The following FADS6 variants were observed in gnomAD, a reference collection of about 807,000 sequenced individuals.
The protein encoded by FADS6 is fatty acid desaturase 6.
FADS6 carries 28 observed loss-of-function variants against 31.7 expected under a neutral mutation model. That is an observed-to-expected ratio of 0.88 (90% CI 0.66 to 1.21). The LOEUF is 1.21. Ranked by LOEUF, FADS6 falls within the 50% of genes most tolerant of loss-of-function variation. The pLI is 0.00. For synonymous variants in FADS6, 191 were observed against 213.1 expected, an observed-to-expected ratio of 0.90 and a Z score of 0.90; for missense variants, 494 against 504.2, an observed-to-expected ratio of 0.98 and a Z score of 0.19.
Position 74,878,026 on chromosome 17 carries a change from C to A in FADS6, c.*305G>T. ...TCACCTCCCTTTAACCCTACCAAGGCTCAGATGGAGCAGGGGGAAGGACCC... is the reference window on the plus strand; with the variant it reads ...TCACCTCCCTTTAACCCTACCAAGGATCAGATGGAGCAGGGGGAAGGACCC... On this transcript the variant is annotated 3_prime_UTR_variant, in exon 6 of 6. Coordinates refer to ENST00000612771, the MANE Select transcript of FADS6 (RefSeq NM_178128.6). 1 of 1,141,492 alleles carries A rather than the reference C, an allele frequency of 8.8e-7. No individual in the cohort carries two copies. The highest frequency in any genetic ancestry group is 1.6e-5 in the African/African-American group (1 of 61,676). 70.7% of individuals were successfully genotyped at this position (1,141,492 alleles called of 1,614,324 possible). A position where few individuals can be genotyped will look rare whatever the true frequency, so the allele number is the denominator to read the frequency against.
chr17:74,882,707 A>C lies in FADS6; in HGVS notation c.415T>G (p.Cys139Gly). The part of the protein sequence containing the change: ...KIWLLFFVEV[C>G]TAFTAEHATH... ...GCGTGCTCTGCAGTGAAGGCTGTGCACACCTAGAGGAGGGAACCAGAAATG... is the reference window on the plus strand; with the variant it reads ...GCGTGCTCTGCAGTGAAGGCTGTGCCCACCTAGAGGAGGGAACCAGAAATG... The change falls in exon 3 of 6, where the codon TGC becomes GGC. Residue 139 changes from cysteine to glycine, a missense_variant. Physicochemically the swap from Cys to Gly is radical, Grantham distance 159. This residue lies in a region of FADS6 where 454 missense variants were observed against 438.5 expected (regional missense o/e 1.04). Transcript: ENST00000612771. 1 of 1,608,516 alleles carries C rather than the reference A, an allele frequency of 6.2e-7. No homozygotes were observed. Among genetic ancestry groups the C allele is most frequent in the Non-Finnish European group, 8.5e-7 (1 of 1,178,162 alleles).
intron 2 of FADS6, among the ~76,000 whole-genome samples, chr17:74,887,059 CTT>C (rs11385853): frequency 0.12 from 13,107 of 113,852 alleles, 1,004 homozygotes; most frequent in African/African-American, 0.26. Context: ...ACACTCCAGT[CTT>C]TTTTTTTTTT....
Position 74,886,676 on chromosome 17 carries a change from A to C in FADS6, c.412-3966T>G, listed in dbSNP as rs139100486. ...AGTTAGTTTTGAAAACTACCAACTT[A>C]GATTACCACCTTTGGCCACAAGACC... On this transcript the variant is annotated intron_variant, in intron 2 of 5. Coordinates refer to ENST00000612771, the MANE Select transcript of FADS6 (RefSeq NM_178128.6). Among the ~76,000 whole-genome samples the C allele has an allele frequency of 1.2e-4, 19 of 152,290 alleles. No homozygotes were observed. The East Asian group carries it at 3.5e-3, about 28-fold the overall frequency.
At position 74,892,550 on chromosome 17, in the gene FADS6, G is replaced by C. The variant is rs746259631; in HGVS notation, c.384C>G (p.Ser128Arg). 1 of 1,613,340 alleles carries C rather than the reference G, an allele frequency of 6.2e-7. No homozygotes were observed. The highest frequency in any genetic ancestry group is 1.1e-5 in the South Asian group (1 of 90,890). The change falls in exon 2 of 6, where the codon AGC becomes AGG. Residue 128 changes from serine to arginine, a missense_variant. Transcript: ENST00000612771. Reference sequence around the variant, plus strand: ...CCACAAAGAAAAGCAGCCAGATCTTGCTCCAGCGTTTGGACTCGGTGAGGG... The same window carrying C: ...CCACAAAGAAAAGCAGCCAGATCTTCCTCCAGCGTTTGGACTCGGTGAGGG... ...HGALTESKRW[S>R]KIWLLFFVEV...
intron 2 of FADS6, among the ~76,000 whole-genome samples, chr17:74,891,112 A>T (rs1350256961): frequency 2.7e-4 from 33 of 123,120 alleles, no homozygotes; most frequent in South Asian, 5.1e-4. Flanking sequence ...TTTCTTTTTG[A>T]TTTTTTTTTT....
Position 74,877,839 on chromosome 17 carries a change from G to T in FADS6, c.*492C>A. The T allele has an allele frequency of 1.0e-6, 1 of 986,738 alleles. No homozygotes were observed. Among genetic ancestry groups the T allele is most frequent in the African/African-American group, 1.7e-5 (1 of 57,394 alleles). The allele number at this position is 986,738 out of a possible 1,614,324, so 61.1% of individuals were successfully genotyped here. A position where few individuals can be genotyped will look rare whatever the true frequency, so the allele number is the denominator to read the frequency against. ...GCAAGCTCACCCTAAGGTCCCCGGG[G>T]AGAGGGCACCTTGGTGGGCAGAGCC... On this transcript the variant is annotated 3_prime_UTR_variant, in exon 6 of 6. Transcript: ENST00000612771.
At chr17:74,889,388 A>G (rs1037662118) in intron 2 of FADS6, among the ~76,000 whole-genome samples, 1 of 152,092 alleles carries the variant, frequency 6.6e-6, no homozygotes, top group Non-Finnish European at 1.5e-5. Flanking sequence ...ATGGGAGGAG[A>G]GTCAGAAATC....
At position 74,881,266 on chromosome 17, in the gene FADS6, G is replaced by T. The variant is rs1228499657; in HGVS notation, c.593-11C>A. On this transcript the variant is annotated splice_polypyrimidine_tract_variant and intron_variant, in intron 3 of 5. Transcript: ENST00000612771. ...CCTTCCTCAGCCGCTCTGCCATAGA[G>T]GGAGGGGACAGGCAAGGCTCAGATC... 1.9e-6 allele frequency: 3 copies of T among 1,584,772 alleles called. No individual in the cohort carries two copies. Among genetic ancestry groups the T allele is most frequent in the East Asian group, 4.6e-5 (2 of 43,746 alleles).
chr17:74,893,294 GC>G, intron 1 of FADS6, 57 bp downstream of exon 1: 1 of 1,455,644 alleles, frequency 6.9e-7, no homozygotes, highest in Non-Finnish European at 9.0e-7. Context: ...CGCCACCTCC[GC>G]CGCACCCCGC....
Position 74,877,705 on chromosome 17 carries a change from C to G in FADS6, c.*626G>C. ...CCTCACTTCCCCTGGAGTTCCCTCC[C>G]GACAAAACACACTCACTTTTATCTT... is the stretch of plus-strand genomic sequence containing the variant. On this transcript the variant is annotated 3_prime_UTR_variant, in exon 6 of 6. Coordinates refer to ENST00000612771, the MANE Select transcript of FADS6 (RefSeq NM_178128.6). 2.0e-6 allele frequency: 2 copies of G among 985,564 alleles called. No individual in the cohort carries two copies. The highest frequency in any genetic ancestry group is 2.4e-6 in the Non-Finnish European group (2 of 830,032). 61.1% of individuals were successfully genotyped at this position (985,564 alleles called of 1,614,324 possible).
chr17:74,880,897 G>A lies in FADS6; in HGVS notation c.780+171C>T, dbSNP rs550956949. On this transcript the variant is annotated intron_variant, in intron 4 of 5. Transcript: ENST00000612771. ...TAGGATCTTGACTGCTGAGAGGGCA[G>A]GCAGGGTCTCTCCAGGACGAGGCGA... 4.8e-4 allele frequency among the ~76,000 whole-genome samples: 73 copies of A among 152,330 alleles called. 1 individual carries two copies. Among genetic ancestry groups the A allele is most frequent in the Middle Eastern group, 6.8e-3 (2 of 294 alleles).
Position 74,893,456 on chromosome 17 carries a change from T to A in FADS6, c.140A>T (p.Glu47Val). The A allele has an allele frequency of 6.3e-7, 1 of 1,591,926 alleles. No homozygotes were observed. The highest frequency in any genetic ancestry group is 8.5e-7 in the Non-Finnish European group (1 of 1,171,106). ...CACGTCCTGCACCAGCACCTCCAGC[T>A]CCCGCAGCAGCGCCTCGCCCCCACG... ...AHRGGEALLR[E>V]LEVLVQDVVR... The change falls in exon 1 of 6, where the codon GAG becomes GTG. Residue 47 changes from glutamate (E) to valine (V), a missense_variant. Coordinates refer to ENST00000612771, the MANE Select transcript of FADS6 (RefSeq NM_178128.6).
At chr17:74,880,265 C>T (rs1408440639) in intron 4 of FADS6, among the ~76,000 whole-genome samples, 1 of 152,156 alleles carries the variant, frequency 6.6e-6, no homozygotes, top group Non-Finnish European at 1.5e-5. Flanking sequence ...GGGGCAGGCA[C>T]TAGGGGCCTT....
intron 2 of FADS6, among the ~76,000 whole-genome samples, chr17:74,883,152 GGAGTGGTCTGAGAGA>G (rs1236137652): frequency 2.0e-5 from 3 of 152,248 alleles, no homozygotes; most frequent in African/African-American, 4.8e-5. Context: ...AGGGGCTACA[GGAGTGGTCTGAGAGA>G]GCAGGGACAC....
At chr17:74,886,458 T>TAAAA (rs60503024) in intron 2 of FADS6, among the ~76,000 whole-genome samples, 1 of 82,912 alleles carries the variant, frequency 1.2e-5, no homozygotes, top group Non-Finnish European at 2.2e-5. Flanking sequence ...AAATCCTGTC[T>TAAAA]AAAAAAAAAA....
At chr17:74,874,921 T>G (rs1310976871), downstream of FADS6, among the ~76,000 whole-genome samples, 1 of 152,170 alleles carries the variant, frequency 6.6e-6, no homozygotes, top group African/African-American at 2.4e-5. Flanking sequence ...GCCCCAGATA[T>G]TTACTATCTG....
At position 74,882,659 on chromosome 17, in the gene FADS6, G is replaced by A; in HGVS notation, c.463C>T (p.His155Tyr). Residue 155 changes from histidine to tyrosine, a missense_variant, in exon 3 of 6, where the codon CAC (histidine) becomes TAC (tyrosine). Transcript: ENST00000612771. ...CCCACCACGTTGGTGTAGGCATGGT[G>A]CATCTTGACGTGCCCATGCGTGGCG... ...EHATHGHVKM[H>Y]HAYTNVVGLG... The A allele has an allele frequency of 1.2e-6, 2 of 1,611,514 alleles. No individual in the cohort carries two copies. Among genetic ancestry groups the A allele is most frequent in the Non-Finnish European group, 1.7e-6 (2 of 1,179,066 alleles).
intron 2 of FADS6, among the ~76,000 whole-genome samples, chr17:74,888,395 A>G (rs2065550137): frequency 6.6e-6 from 1 of 152,214 alleles, no homozygotes; most frequent in African/African-American, 2.4e-5. Context: ...AATTAAAAAA[A>G]TAAGAAGTTG....
intron 5 of FADS6, chr17:74,879,105 T>C: frequency 3.3e-6 from 1 of 304,466 alleles, no homozygotes; most frequent in Non-Finnish European, 6.1e-6. Context: ...GTGGCACGAT[T>C]ATGGTTCATT....
Sources: allele counts gnomAD v4.1 joint callset (sites outside exome capture counted in the v4.1 genomes callset), GRCh38; gene constraint gnomAD v4.1.1; regional missense constraint gnomAD v4.1.1; transcripts MANE v1.5; gene names NCBI Gene and HGNC (gene_info 2026-07-23, HGNC 2026-07-21).